TFAP2A: variants seen among roughly 807,000 people sequenced by gnomAD.
The protein encoded by TFAP2A is transcription factor AP-2 alpha.
A neutral mutation model predicts 41.5 loss-of-function variants in TFAP2A; 7 were observed. The observed-to-expected ratio is 0.17, with a 90% CI of 0.10 to 0.32. TFAP2A has a LOEUF of 0.32. TFAP2A is among the 10% of genes least tolerant of loss of function. The pLI is 1.00. For missense variants in TFAP2A, 416 were observed against 563.3 expected (o/e 0.74, Z 2.65); for synonymous variants, 247 against 242.8 (o/e 1.02, Z -0.16).
intron 3 of TFAP2A, chr6:10,406,091 CAT>C (rs936913568): frequency 6.6e-6 from 1 of 152,148 alleles, no homozygotes; most frequent in African/African-American, 2.4e-5. Context: ...TGAAATGTAA[CAT>C]TGCCACCATA....
At chr6:10,418,203 G>A (rs908233015), upstream of TFAP2A, 1 of 152,196 alleles carries the variant, frequency 6.6e-6, no homozygotes, top group African/African-American at 2.4e-5. Context: ...GAATATAAAA[G>A]AGCTCACTCT....
At chr6:10,415,268 A>C, upstream of TFAP2A, 2 of 1,423,774 alleles carry the variant, frequency 1.4e-6, no homozygotes, top group East Asian at 5.1e-5. Context: ...CTAATGGTAG[A>C]AACTTTTCCC....
At chr6:10,411,507 G>C in intron 1 of TFAP2A, 1 of 1,613,186 alleles carries the variant, frequency 6.2e-7, no homozygotes, top group South Asian at 1.1e-5. Flanking sequence ...GCAGCTCCAC[G>C]GCACCAGGTT....
chr6:10,401,450 C>T (rs1762002424), intron 5 of TFAP2A, among the ~76,000 whole-genome samples: 1 of 152,186 alleles, frequency 6.6e-6, no homozygotes, highest in Non-Finnish European at 1.5e-5. Context: ...ATTTTCTAAA[C>T]AGTTATATTA....
intron 2 of TFAP2A, chr6:10,409,608 C>CGA (rs1490506413): frequency 4.7e-6 from 2 of 423,168 alleles, no homozygotes; most frequent in Non-Finnish European, 8.7e-6. Flanking sequence ...TTACTGTCGT[C>CGA]GAGAGGAAGA....
Position 10,410,179 on chromosome 6 carries a change from G to C in TFAP2A, c.208C>G (p.Gln70Glu), listed in dbSNP as rs750185451. The stretch of plus-strand genomic sequence containing the variant: ...ACGTGGGAGTAAGGATCTTGCGACT[G>C]GGGGTAGATAGGCTGGTAGGGTGGG... Reference protein sequence around the residue: ...FPPPYQPIYPQSQDPYSHVND... With the variant: ...FPPPYQPIYPESQDPYSHVND... The change falls in exon 2 of 7, where the codon CAG becomes GAG. Residue 70 changes from glutamine to glutamate, a missense_variant. Gln to Glu is a conservative substitution (Grantham distance 29). Transcript: ENST00000379613. 4 of 1,603,262 alleles carry C rather than the reference G, an allele frequency of 2.5e-6. No individual in the cohort carries two copies. The highest frequency in any genetic ancestry group is 2.3e-5 in the East Asian group (1 of 44,354).
chr6:10,415,194 G>A (rs1226814730), upstream of TFAP2A: 22 of 1,489,458 alleles, frequency 1.5e-5, no homozygotes, highest in African/African-American at 2.8e-4. Flanking sequence ...GGAGGAGGGC[G>A]AGGAGAAGGG....
upstream of TFAP2A, chr6:10,419,356 C>CG: frequency 6.4e-7 from 1 of 1,573,448 alleles, no homozygotes; most frequent in Non-Finnish European, 8.7e-7. Context: ...CTCCCCGCTC[C>CG]GGCCCCCTCC....
rs143363077 is a variant in TFAP2A, at chr6:10,404,699, G to A, written c.579C>T (p.Ser193=). 1.5e-3 allele frequency: 2,414 copies of A among 1,614,208 alleles called. 4 individuals carry two copies. The highest frequency in any genetic ancestry group is 2.0e-3 in the Non-Finnish European group (2,322 of 1,180,026). The change falls in exon 4 of 7, where the codon TCC becomes TCT. Residue 193 remains serine, a synonymous_variant. Transcript: ENST00000379613. ...SLSKSNSNAV[S]AIPINKDNLF... is the part of the protein sequence containing the mutation. ...GGTTGTCCTTGTTAATAGGGATGGC[G>A]GAGACGGCATTGCTGTTGGACTTGG... is the stretch of plus-strand genomic sequence containing the variant.
upstream of TFAP2A, chr6:10,415,696 C>A (rs1204165379): frequency 6.5e-6 from 1 of 153,134 alleles, no homozygotes; most frequent in Non-Finnish European, 1.5e-5. Context: ...TTATCCCTTT[C>A]GCAATTAAAC....
Position 10,398,342 on chromosome 6 carries a change from G to A in TFAP2A, c.*75C>T. 6.2e-7 allele frequency: 1 copy of A among 1,608,672 alleles called. No individual in the cohort carries two copies. Among genetic ancestry groups the A allele is most frequent in the Admixed American group, 1.7e-5 (1 of 59,882 alleles). Reference sequence around the variant, plus strand: ...AGCAGCAGGAAGGGTTGCTGATCCCGGAGCTGTCACCCGCCGGAGGGTGGG... The same window carrying A: ...AGCAGCAGGAAGGGTTGCTGATCCCAGAGCTGTCACCCGCCGGAGGGTGGG... On this transcript the variant is annotated 3_prime_UTR_variant, in exon 7 of 7. Transcript: ENST00000379613. The surrounding 1 kb of genome is among the most constrained non-coding windows in gnomAD (Gnocchi z 5.3).
Position 10,398,561 on chromosome 6 carries a change from C to T in TFAP2A, c.1176G>A (p.Ala392=), listed in dbSNP as rs757618280. ...GCAGGGCCGTGACCGCGGCACACAC[C>T]GCGGGGCTGCCGAAGCCGTGGGAGA... ...NLISHGFGSP[A]VCAAVTALQN... Residue 392 remains alanine (A), a synonymous_variant, in exon 7 of 7, where the codon GCG becomes GCA. Transcript: ENST00000379613. The surrounding 1 kb of genome is among the most constrained non-coding windows in gnomAD (Gnocchi z 5.3). 1 of 1,614,184 alleles carries T rather than the reference C, an allele frequency of 6.2e-7. No homozygotes were observed. The highest frequency in any genetic ancestry group is 1.3e-5 in the African/African-American group (1 of 75,064).
intron 5 of TFAP2A, chr6:10,402,023 G>T: frequency 3.1e-6 from 1 of 323,156 alleles, no homozygotes; most frequent in Non-Finnish European, 6.0e-6. Flanking sequence ...AAGAGATAAG[G>T]GAGCATATGT....
intron 5 of TFAP2A, chr6:10,400,896 T>C: frequency 5.4e-6 from 3 of 556,590 alleles, no homozygotes; most frequent in Non-Finnish European, 1.0e-5. Flanking sequence ...AAAATGCTTC[T>C]TGTATTCCAA....
At chr6:10,407,747 T>G (rs1051697081) in intron 2 of TFAP2A, 2 of 152,244 alleles carry the variant, frequency 1.3e-5, no homozygotes, top group African/African-American at 4.8e-5. Context: ...ACAATAATAC[T>G]GATTCGAACA....
intron 2 of TFAP2A, 37 bp from the exon 3 acceptor site, chr6:10,406,881 A>G (rs769464725): frequency 3.9e-6 from 6 of 1,528,168 alleles, no homozygotes; most frequent in Non-Finnish European, 5.4e-6. Context: ...TAAGTGTATC[A>G]TCAAAACAAA....
intron 4 of TFAP2A, among the ~76,000 whole-genome samples, chr6:10,403,077 AAAGGG>A (rs1757491338): frequency 6.6e-6 from 1 of 152,248 alleles, no homozygotes; most frequent in African/African-American, 2.4e-5. Flanking sequence ...CTCTAGCCCC[AAAGGG>A]AAATTCGTTT....
rs1761835550 is a variant in TFAP2A, at chr6:10,397,897, T to C, written c.*520A>G. ...TTTATTCACAATACTGATAAAAATG[T>C]TGTCATCATCTTTTGGCTTTTTTTT... On this transcript the variant is annotated 3_prime_UTR_variant, in exon 7 of 7. Coordinates refer to ENST00000379613, the MANE Select transcript of TFAP2A (RefSeq NM_001372066.1). 2.0e-6 allele frequency: 2 copies of C among 989,586 alleles called. No individual in the cohort carries two copies. Among genetic ancestry groups the C allele is most frequent in the Non-Finnish European group, 2.4e-6 (2 of 833,050 alleles). The allele number at this position is 989,586 out of a possible 1,614,324, so 61.3% of individuals were successfully genotyped here. A position where few individuals can be genotyped will look rare whatever the true frequency, so the allele number is the denominator to read the frequency against.
At chr6:10,411,826 T>C in intron 1 of TFAP2A, 2 of 1,427,480 alleles carry the variant, frequency 1.4e-6, no homozygotes. Context: ...GAACCCACGG[T>C]CTCTATCCTG....
Sources: allele counts gnomAD v4.1 joint callset (sites outside exome capture counted in the v4.1 genomes callset), GRCh38; gene constraint gnomAD v4.1.1; non-coding constraint Gnocchi (gnomAD v3.1); transcripts MANE v1.5; gene names NCBI Gene and HGNC (gene_info 2026-07-23, HGNC 2026-07-21).